Variants in SP2 observed in about 807,000 individuals in gnomAD.
The protein encoded by SP2 is Sp2 transcription factor, also known as transcription factor Sp2.
Under a neutral mutation model 50.1 loss-of-function variants are expected in SP2, and 9 were observed. The ratio of observed to expected loss-of-function variants is 0.18; its 90% CI spans 0.11 to 0.31. SP2 has a LOEUF of 0.31. SP2 is among the 10% of genes least tolerant of loss of function. The pLI, the probability that SP2 is intolerant of heterozygous loss-of-function variation, is 1.00. For synonymous variants in SP2, 313 were observed against 326.6 expected (o/e 0.96, Z 0.45); for missense variants, 581 against 806.5 (o/e 0.72, Z 3.39).
rs144717322 is a variant in SP2, at chr17:47,911,467, C to G, written c.8-3845C>G. Among the ~76,000 whole-genome samples, 1,360 of 146,482 alleles carry G rather than the reference C, an allele frequency of 9.3e-3. 6 individuals carry two copies. The highest frequency in any genetic ancestry group is 0.015 in the Non-Finnish European group (1,005 of 67,330). On this transcript the variant is annotated intron_variant, in intron 1 of 6. Transcript: ENST00000376741. ...GGCAGAGGTTGCAGTGAACCAAGAT[C>G]ATGCACCCCAGCCTGGGCAACAGAG... is the stretch of plus-strand genomic sequence containing the variant.
chr17:47,904,603 G>A (rs1476954853), intron 1 of SP2, among the ~76,000 whole-genome samples: 1 of 152,096 alleles, frequency 6.6e-6, no homozygotes, highest in Non-Finnish European at 1.5e-5. Flanking sequence ...AAGGGTTAAT[G>A]TGGAGACAAG....
intron 3 of SP2, 94 bp from the exon 4 acceptor site, chr17:47,922,868 G>T: frequency 9.2e-7 from 1 of 1,089,914 alleles, no homozygotes; most frequent in South Asian, 1.5e-5. Flanking sequence ...TTAGTGGACA[G>T]GCGCCCCCAG....
At chr17:47,896,360 G>A (rs2034328678) in intron 1 of SP2, 67 bp downstream of exon 1, 1 of 1,205,768 alleles carries the variant, frequency 8.3e-7, no homozygotes, top group Non-Finnish European at 1.0e-6. Context: ...GGCAGAGGCC[G>A]CGGGGAGAGG....
At chr17:47,915,155 G>C (rs1214380770) in intron 1 of SP2, among the ~76,000 whole-genome samples, 157 bp from the exon 2 acceptor site, 2 of 151,698 alleles carry the variant, frequency 1.3e-5, no homozygotes, top group Non-Finnish European at 2.9e-5. Flanking sequence ...GGAGGTTGCC[G>C]TGAGCCTAGA....
At chr17:47,901,288 C>T (rs2034531427) in intron 1 of SP2, among the ~76,000 whole-genome samples, 1 of 151,802 alleles carries the variant, frequency 6.6e-6, no homozygotes, top group Non-Finnish European at 1.5e-5. Flanking sequence ...GCTGGGACTA[C>T]AGGCACGTGC....
intron 1 of SP2, among the ~76,000 whole-genome samples, chr17:47,902,097 T>A (rs2034565877): frequency 6.6e-6 from 1 of 152,108 alleles, no homozygotes; most frequent in Admixed American, 6.5e-5. Context: ...TAAGGTGACA[T>A]CCGAGTAAAA....
intron 1 of SP2, among the ~76,000 whole-genome samples, chr17:47,913,288 G>A (rs1244301369): frequency 2.0e-5 from 3 of 151,944 alleles, no homozygotes; most frequent in Non-Finnish European, 2.9e-5. Context: ...CTATTCACAG[G>A]TGTGATAATA....
downstream of SP2, among the ~76,000 whole-genome samples, chr17:47,931,199 C>T (rs1035725979): frequency 3.3e-5 from 5 of 151,964 alleles, no homozygotes; most frequent in African/African-American, 4.8e-5. Flanking sequence ...AATAATTAGC[C>T]GGGCGTGGTG....
chr17:47,925,933 T>TTTTTTTG (rs2035629528), intron 6 of SP2, among the ~76,000 whole-genome samples: 1 of 112,480 alleles, frequency 8.9e-6, no homozygotes, highest in African/African-American at 3.1e-5. Context: ...TTTTTTTTTT[T>TTTTTTTG]GGAGATGGAG....
rs184834526 is a variant in SP2 at position 47,922,358 on chromosome 17, T to C, written c.1060-604T>C. ...TCCCCAAATTTCCTTCCAGCAAGTT[T>C]AGCCCACATCATACTTCCACTCCTA... is the stretch of plus-strand genomic sequence containing the variant. On this transcript the variant is annotated intron_variant, in intron 3 of 6. Transcript: ENST00000376741. 7.2e-5 allele frequency among the ~76,000 whole-genome samples: 11 copies of C among 152,344 alleles called. No individual in the cohort carries two copies. In the East Asian group the frequency reaches 2.1e-3, roughly 29 times the overall value.
At chr17:47,919,602 T>C (rs1350291272) in intron 3 of SP2, among the ~76,000 whole-genome samples, 2 of 152,026 alleles carry the variant, frequency 1.3e-5, no homozygotes, top group Non-Finnish European at 2.9e-5. Flanking sequence ...CCTTGTCATT[T>C]CTGAACGCTT....
intron 3 of SP2, among the ~76,000 whole-genome samples, chr17:47,919,386 G>T (rs2035343229): frequency 6.6e-6 from 1 of 151,908 alleles, no homozygotes; most frequent in African/African-American, 2.4e-5. Context: ...TTTTAGCCTG[G>T]GTGACAGAGA....
At chr17:47,920,760 C>CT (rs937033417) in intron 3 of SP2, among the ~76,000 whole-genome samples, 55 of 151,532 alleles carry the variant, frequency 3.6e-4, no homozygotes, top group Admixed American at 1.4e-3. Flanking sequence ...GGCTCTCATT[C>CT]TTTTTTTTTA....
chr17:47,897,736 C>A, intron 1 of SP2: 2 of 412,804 alleles, frequency 4.8e-6, no homozygotes, highest in Non-Finnish European at 6.5e-6. Flanking sequence ...CAATTACTAA[C>A]ACAAAGAAAC....
downstream of SP2, among the ~76,000 whole-genome samples, chr17:47,931,346 CAAAAAAAAG>C: frequency 6.6e-6 from 1 of 150,978 alleles, no homozygotes; most frequent in Non-Finnish European, 1.5e-5. Context: ...GACTCTGTCT[CAAAAAAAAG>C]AAAAAAAATC....
rs2035714097 is a variant in SP2 at position 47,927,911 on chromosome 17, C to T, written c.*87C>T. ...TGGTGGAAAGGAGCCCTGTGGCTGC[C>T]TTGGGCCTGCCCTCAGCCCCACTCC... On this transcript the variant is annotated 3_prime_UTR_variant, in exon 7 of 7. Transcript: ENST00000376741. 1 of 796,388 alleles carries T rather than the reference C, an allele frequency of 1.3e-6. No individual in the cohort carries two copies. Among genetic ancestry groups the T allele is most frequent in the Non-Finnish European group, 2.1e-6 (1 of 465,252 alleles). 49.3% of individuals were successfully genotyped at this position (796,388 alleles called of 1,614,324 possible). A position where few individuals can be genotyped will look rare whatever the true frequency, so the allele number is the denominator to read the frequency against.
rs183952826 is a variant in SP2 at position 47,921,313 on chromosome 17, A to G, written c.1060-1649A>G. Reference sequence around the variant, plus strand: ...ACCCAGGCTGGAGTGCAGTGGCACAATCTCGACTCACTGCAACCTCCACCT... The same window carrying G: ...ACCCAGGCTGGAGTGCAGTGGCACAGTCTCGACTCACTGCAACCTCCACCT... On this transcript the variant is annotated intron_variant, in intron 3 of 6. Coordinates refer to ENST00000376741, the MANE Select transcript of SP2 (RefSeq NM_003110.6). Among the ~76,000 whole-genome samples the G allele has an allele frequency of 2.7e-4, 41 of 152,242 alleles. No homozygotes were observed. In the East Asian group the frequency reaches 7.3e-3, roughly 27 times the overall value.
rs1412586838 is a variant in SP2, at chr17:47,916,950, C to T, written c.879C>T (p.Gly293=). The change falls in exon 3 of 7, where the codon GGC becomes GGT. Residue 293 remains glycine (G), a synonymous_variant. Coordinates refer to ENST00000376741, the MANE Select transcript of SP2 (RefSeq NM_003110.6). This position sits in a 1 kb window ranked among gnomAD's most constrained non-coding sequence, Gnocchi z 4.7. ...NLLIVQSPGG[G]QPAVVQQVQV... ...TCATTGTTCAGAGCCCTGGTGGGGG[C>T]CAGCCAGCTGTGGTCCAGCAGGTCC... The T allele has an allele frequency of 1.2e-6, 2 of 1,614,200 alleles. No homozygotes were observed. Among genetic ancestry groups the T allele is most frequent in the Admixed American group, 3.3e-5 (2 of 60,032 alleles).
At chr17:47,917,348 A>G (rs1355700409) in intron 3 of SP2, among the ~76,000 whole-genome samples, 1 of 151,990 alleles carries the variant, frequency 6.6e-6, no homozygotes, top group Non-Finnish European at 1.5e-5. Context: ...AAACATAGGG[A>G]TATTTTGGCA....
Sources: gnomAD v4.1 joint callset for allele counts (sites outside exome capture counted in the v4.1 genomes callset) on GRCh38, gnomAD v4.1.1 for gene constraint, Gnocchi (gnomAD v3.1) non-coding constraint, MANE v1.5 for transcripts, NCBI Gene and HGNC (gene_info 2026-07-23, HGNC 2026-07-21) for gene names.